Variants in CEP290 observed in about 807,000 individuals in gnomAD.
CEP290 encodes centrosomal protein 290, also known as centrosomal protein of 290 kDa.
Under a neutral mutation model 344.9 loss-of-function variants are expected in CEP290, and 317 were observed. That is an observed-to-expected ratio of 0.92 (90% CI 0.84 to 1.01). The LOEUF (loss-of-function observed/expected upper bound fraction) is 1.01. CEP290 is among the 50% of genes least tolerant of loss of function. The pLI, the probability that CEP290 is intolerant of heterozygous loss-of-function variation, is 0.00. For synonymous variants in CEP290, 932 were observed against 895.8 expected (o/e 1.04, Z -0.72); for missense variants, 2,754 against 2,761.4 (o/e 1.00, Z 0.06).
intron 44 of CEP290, among the ~76,000 whole-genome samples, chr12:88,066,065 G>C (rs1053412746): frequency 2.0e-5 from 3 of 152,100 alleles, no homozygotes; most frequent in Non-Finnish European, 2.9e-5. Flanking sequence ...GTGAAAAAAA[G>C]TGTTATGAAT....
intron 26 of CEP290, among the ~76,000 whole-genome samples, chr12:88,099,915 T>G (rs1229138206): frequency 1.3e-5 from 2 of 151,882 alleles, no homozygotes; most frequent in Admixed American, 6.6e-5. Flanking sequence ...ATCTCTTATC[T>G]TCATCACTCT....
chr12:88,089,467 C>A lies in CEP290; in HGVS notation c.3594G>T (p.Ser1198=), dbSNP rs376645523. 3.2e-6 allele frequency: 5 copies of A among 1,549,026 alleles called. No individual in the cohort carries two copies. The highest frequency in any genetic ancestry group is 1.4e-5 in the African/African-American group (1 of 72,202). The change falls in exon 31 of 54, where the codon TCG becomes TCT. Residue 1198 remains serine (S), a synonymous_variant. Coordinates refer to ENST00000552810, the MANE Select transcript of CEP290 (RefSeq NM_025114.4). ...TATGTTGGTGCAACTTGGCAATGAG[C>A]GACTTTTCATCAGACTGTGCCTGAT... The part of the protein sequence containing the change: ...LDYQAQSDEK[S]LIAKLHQHNV...
At position 88,106,739 on chromosome 12, in the gene CEP290, T is replaced by C. The variant is rs2038307734; in HGVS notation, c.2753A>G (p.Lys918Arg). Residue 918 changes from lysine (K) to arginine (R), a missense_variant, in exon 25 of 54, where the codon AAG becomes AGG. By Grantham distance (26) the Lys-to-Arg change is conservative. Transcript: ENST00000552810. Reference sequence around the variant, plus strand: ...AGCCTCCATTGACAACAATTCATTCTTTTGCTTCTCATTTTCTTTTCTAAG... The same window carrying C: ...AGCCTCCATTGACAACAATTCATTCCTTTGCTTCTCATTTTCTTTTCTAAG... ...RQLRKENEKQ[K>R]NELLSMEAEV... 6.2e-7 allele frequency: 1 copy of C among 1,611,760 alleles called. No homozygotes were observed. The highest frequency in any genetic ancestry group is 1.3e-5 in the African/African-American group (1 of 74,914).
In CEP290 at chr12:88,107,022, C is replaced by A. The variant is rs1172138698; in HGVS notation, c.2560G>T (p.Asp854Tyr). The A allele has an allele frequency of 6.4e-7, 1 of 1,551,632 alleles. No homozygotes were observed. The highest frequency in any genetic ancestry group is 1.4e-5 in the African/African-American group (1 of 72,924). ...KRKLEDQVQQDAIKVKEYNNL... is the reference protein window; with the variant it reads ...KRKLEDQVQQYAIKVKEYNNL... Reference sequence around the variant, plus strand: ...TTATATTCTTTTACTTTTATAGCATCTTGTTGGACTTGATCCTCAAGTTTT... The same window carrying A: ...TTATATTCTTTTACTTTTATAGCATATTGTTGGACTTGATCCTCAAGTTTT... The change falls in exon 24 of 54, where the codon GAT becomes TAT. Residue 854 changes from aspartate (D) to tyrosine (Y), a missense_variant. By Grantham distance (160) the Asp-to-Tyr change is radical (BLOSUM62 -3). Transcript: ENST00000552810.
intron 6 of CEP290, 115 bp from the exon 7 acceptor site, chr12:88,131,333 G>A (rs1283614063): frequency 9.2e-6 from 6 of 655,730 alleles, no homozygotes; most frequent in South Asian, 2.3e-5. Context: ...GTGCGATCTC[G>A]GCTCACTGCA....
chr12:88,141,468 T>C (rs1230274670), intron 1 of CEP290, 134 bp from the exon 2 acceptor site: 7 of 456,346 alleles, frequency 1.5e-5, no homozygotes, highest in African/African-American at 4.1e-5. Context: ...GGCCACAAAA[T>C]AGACAAGTGG....
chr12:88,059,994 A>T lies in CEP290; in HGVS notation c.6549T>A (p.His2183Gln). 1 of 1,567,734 alleles carries T rather than the reference A, an allele frequency of 6.4e-7. No individual in the cohort carries two copies. The highest frequency in any genetic ancestry group is 8.6e-7 in the Non-Finnish European group (1 of 1,158,468). Reference sequence around the variant, plus strand: ...AGTGCATGCTCAACTGATGCCCAAGATGAGCTTTAAGTTTTTCTAATTCAG... The same window carrying T: ...AGTGCATGCTCAACTGATGCCCAAGTTGAGCTTTAAGTTTTTCTAATTCAG... ...LKAELEKLKAHLGHQLSMHYE... is the reference protein window; with the variant it reads ...LKAELEKLKAQLGHQLSMHYE... Residue 2183 changes from histidine (H) to glutamine (Q), a missense_variant, in exon 48 of 54, where the codon CAT becomes CAA. By Grantham distance (24) the His-to-Gln change is conservative. Transcript: ENST00000552810.
At chr12:88,116,705 T>A (rs1328393373) in intron 18 of CEP290, among the ~76,000 whole-genome samples, 2 of 152,176 alleles carry the variant, frequency 1.3e-5, no homozygotes, top group Admixed American at 1.3e-4. Flanking sequence ...CCGGGCGCGG[T>A]GGCTCACGCC....
chr12:88,131,504 C>A (rs1160757967), intron 6 of CEP290, among the ~76,000 whole-genome samples: 2 of 152,006 alleles, frequency 1.3e-5, no homozygotes, highest in African/African-American at 4.8e-5. Context: ...CTCAAGTGAT[C>A]CATCTGCCTC....
chr12:88,110,868 CT>C (rs1290872621), intron 22 of CEP290, among the ~76,000 whole-genome samples: 2 of 152,128 alleles, frequency 1.3e-5, no homozygotes, highest in Non-Finnish European at 2.9e-5. Flanking sequence ...TGTTGTTCTG[CT>C]TGTGAACCAT....
Position 88,093,833 on chromosome 12 carries a change from G to C in CEP290, c.3246C>G (p.His1082Gln), listed in dbSNP as rs539042966. The C allele has an allele frequency of 1.2e-6, 2 of 1,612,758 alleles. No individual in the cohort carries two copies. Among genetic ancestry groups the C allele is most frequent in the Non-Finnish European group, 8.5e-7 (1 of 1,179,320 alleles). ...CCATTTGCTTTAACGAAGTCCGTAA[G>C]TGTTCATACATTTTTTGACAATGTT... The part of the protein sequence containing the change: ...RAEHCQKMYE[H>Q]LRTSLKQMEE... Residue 1082 changes from histidine to glutamine, a missense_variant, in exon 28 of 54, where the codon CAC (histidine) becomes CAG (glutamine). Physicochemically the swap from His to Gln is conservative, Grantham distance 24. Coordinates refer to ENST00000552810, the MANE Select transcript of CEP290 (RefSeq NM_025114.4).
chr12:88,066,038 C>T (rs982322213), intron 44 of CEP290, among the ~76,000 whole-genome samples: 5 of 152,086 alleles, frequency 3.3e-5, no homozygotes, highest in African/African-American at 1.2e-4. Flanking sequence ...AAGTCTCAAA[C>T]TCTTATTTAT....
intron 50 of CEP290, among the ~76,000 whole-genome samples, chr12:88,055,104 AGAACCACTG>A (rs1256817194): frequency 6.6e-6 from 1 of 152,092 alleles, no homozygotes; most frequent in Non-Finnish European, 1.5e-5. Flanking sequence ...AGGGTGATGG[AGAACCACTG>A]GAAGATTCTG....
At position 88,141,400 on chromosome 12, in the gene CEP290, T is replaced by C. The variant is rs528322852; in HGVS notation, c.-27-66A>G. ...CAGTATTATTGGTTTTCTAGCACCT[T>C]ACATTTTTTGCAGATTATTTCATTA... On this transcript the variant is annotated intron_variant, in intron 1 of 53. Transcript: ENST00000552810. 15 of 739,932 alleles carry C rather than the reference T, an allele frequency of 2.0e-5. No individual in the cohort carries two copies. In the East Asian group the frequency reaches 4.8e-4, roughly 24 times the overall value. The allele number at this position is 739,932 out of a possible 1,614,324, so 45.8% of individuals were successfully genotyped here. A position where few individuals can be genotyped will look rare whatever the true frequency, so the allele number is the denominator to read the frequency against.
At chr12:88,067,350 C>T (rs1221794792) in intron 44 of CEP290, among the ~76,000 whole-genome samples, 1 of 152,110 alleles carries the variant, frequency 6.6e-6, no homozygotes, top group Non-Finnish European at 1.5e-5. Flanking sequence ...CCCATTTGCA[C>T]TATATATGTA....
rs1175759724 is a variant in CEP290 at position 88,071,797 on chromosome 12, T to C, written c.5839A>G (p.Lys1947Glu). ...TAAACTCACTTGGCAAAAAGATCCT[T>C]CAAAGTATTCAACTGCTTTGTTAAA... Reference protein sequence around the residue: ...FTLTKQLNTLKDLFAKADKEK... With the variant: ...FTLTKQLNTLEDLFAKADKEK... Residue 1947 changes from lysine (K) to glutamate (E), a missense_variant, in exon 42 of 54, where the codon AAG becomes GAG. Physicochemically the swap from Lys to Glu is moderately conservative, Grantham distance 56. Transcript: ENST00000552810. 1.3e-6 allele frequency: 2 copies of C among 1,595,532 alleles called. No homozygotes were observed. Among genetic ancestry groups the C allele is most frequent in the Middle Eastern group, 1.7e-4 (1 of 6,010 alleles).
At chr12:88,070,662 C>T (rs757601042) in intron 43 of CEP290, among the ~76,000 whole-genome samples, 19 of 152,086 alleles carry the variant, frequency 1.2e-4, no homozygotes, top group Non-Finnish European at 1.3e-4. Context: ...TTCTACTCTC[C>T]TCTTGCTTGC....
chr12:88,093,731 TTATTC>T (rs1318079996), intron 28 of CEP290, 34 bp downstream of exon 28: 4 of 1,450,960 alleles, frequency 2.8e-6, no homozygotes, highest in Non-Finnish European at 3.8e-6. Flanking sequence ...AACTAATTCT[TTATTC>T]TATAATTGTA....
intron 1 of CEP290, among the ~76,000 whole-genome samples, 175 bp from the exon 2 acceptor site, chr12:88,141,509 G>A (rs1432060533): frequency 9.5e-6 from 1 of 105,676 alleles, no homozygotes; most frequent in East Asian, 4.2e-4. Context: ...AATAGCAGTC[G>A]GCACAAACTG....
Sources: gnomAD v4.1 joint callset for allele counts (sites outside exome capture counted in the v4.1 genomes callset) on GRCh38, gnomAD v4.1.1 for gene constraint, MANE v1.5 for transcripts, NCBI Gene and HGNC (gene_info 2026-07-23, HGNC 2026-07-21) for gene names.